Variants in RPS6KA1 observed in about 807,000 individuals in gnomAD.
The protein encoded by RPS6KA1 is ribosomal protein S6 kinase A1, also known as ribosomal protein S6 kinase alpha-1.
RPS6KA1 carries 48 observed loss-of-function variants against 91.3 expected under a neutral mutation model. That is an observed-to-expected ratio of 0.53 (90% CI 0.42 to 0.67). The LOEUF (loss-of-function observed/expected upper bound fraction) is 0.67, where lower values mean the gene tolerates loss of function less well. RPS6KA1 is among the 30% of genes least tolerant of loss of function. The probability of loss-of-function intolerance (pLI) is 0.00; values close to 1 mark genes in which losing one functional copy is unlikely to be tolerated. For synonymous variants in RPS6KA1, 359 were observed against 384.7 expected, an observed-to-expected ratio of 0.93 and a Z score of 0.78; for missense variants, 719 against 960.5, an observed-to-expected ratio of 0.75 and a Z score of 3.32.
In RPS6KA1 at chr1:26,547,201, C is replaced by T. The variant is rs1436266133; in HGVS notation, c.238C>T (p.Arg80Trp). 7 of 1,614,038 alleles carry T rather than the reference C, an allele frequency of 4.3e-6. No homozygotes were observed. Among genetic ancestry groups the T allele is most frequent in the East Asian group, 2.2e-5 (1 of 44,876 alleles). Reference protein sequence around the residue: ...QGSFGKVFLVRKVTRPDSGHL... With the variant: ...QGSFGKVFLVWKVTRPDSGHL... ...TCTGCCTTCTCAGGTCTTCCTGGTG[C>T]GGAAAGTCACCCGGCCTGACAGTGG... The change falls in exon 4 of 22, where the codon CGG becomes TGG. Residue 80 changes from arginine to tryptophan, a missense_variant. Physicochemically the swap from Arg to Trp is moderately radical, Grantham distance 101. This residue lies in a region of RPS6KA1 where 159 missense variants were observed against 264.5 expected (regional missense o/e 0.60). Transcript: ENST00000374168. The surrounding 1 kb of genome is among the most constrained non-coding windows in gnomAD (Gnocchi z 4.1).
At chr1:26,550,238 A>G (rs548668827) in intron 4 of RPS6KA1, among the ~76,000 whole-genome samples, 25 of 136,616 alleles carry the variant, frequency 1.8e-4, no homozygotes, top group African/African-American at 5.0e-4. Context: ...GCTGGAGTGC[A>G]GTGGCGTGAT....
At chr1:26,535,230 C>G (rs970609586) in intron 1 of RPS6KA1, among the ~76,000 whole-genome samples, 5 of 152,052 alleles carry the variant, frequency 3.3e-5, no homozygotes, top group African/African-American at 7.2e-5. Context: ...GCCTGTAGAA[C>G]ATTTGGCCCC....
intron 1 of RPS6KA1, among the ~76,000 whole-genome samples, chr1:26,532,832 C>T (rs982826128): frequency 1.1e-4 from 17 of 152,186 alleles, no homozygotes; most frequent in Non-Finnish European, 2.2e-4. Flanking sequence ...TGGTCTGGGG[C>T]CCTGGGCATC....
Position 26,561,138 on chromosome 1 carries a change from A to C in RPS6KA1, c.1431+4A>C. The stretch of plus-strand genomic sequence containing the variant: ...CAACATCATCACTCTGAAAGATGTG[A>C]GTGGGGGTCCTTAAGACTGGGGTGG... On this transcript the variant is annotated splice_donor_region_variant and intron_variant, in intron 16 of 21. Transcript: ENST00000374168. The surrounding 1 kb of genome is among the most constrained non-coding windows in gnomAD (Gnocchi z 5.7). 2.5e-6 allele frequency: 4 copies of C among 1,611,312 alleles called. No individual in the cohort carries two copies. Among genetic ancestry groups the C allele is most frequent in the Non-Finnish European group, 3.4e-6 (4 of 1,177,608 alleles).
chr1:26,547,946 G>A lies in RPS6KA1; in HGVS notation c.307+676G>A, dbSNP rs1406563471. Among the ~76,000 whole-genome samples, 1 of 152,096 alleles carries A rather than the reference G, an allele frequency of 6.6e-6. No homozygotes were observed. The highest frequency in any genetic ancestry group is 1.5e-5 in the Non-Finnish European group (1 of 68,016). On this transcript the variant is annotated intron_variant, in intron 4 of 21. Coordinates refer to ENST00000374168, the MANE Select transcript of RPS6KA1 (RefSeq NM_002953.4). This position sits in a 1 kb window ranked among gnomAD's most constrained non-coding sequence, Gnocchi z 4.1. ...GCACTTTGGGAGGCTGAGGTGGGCGGGTCATTTGAGGTCAGGAGTTCAAGA... is the reference window on the plus strand; with the variant it reads ...GCACTTTGGGAGGCTGAGGTGGGCGAGTCATTTGAGGTCAGGAGTTCAAGA...
chr1:26,546,638 C>T (rs1312092791), intron 2 of RPS6KA1, among the ~76,000 whole-genome samples: 1 of 152,246 alleles, frequency 6.6e-6, no homozygotes, highest in Non-Finnish European at 1.5e-5. Flanking sequence ...TGGGCCTAAC[C>T]AGGCCAGAGC....
chr1:26,555,771 C>A lies in RPS6KA1; in HGVS notation c.916+146C>A. 1.3e-6 allele frequency: 1 copy of A among 788,784 alleles called. No homozygotes were observed. Among genetic ancestry groups the A allele is most frequent in the South Asian group, 1.6e-5 (1 of 61,940 alleles). The allele number at this position is 788,784 out of a possible 1,614,324, so 48.9% of individuals were successfully genotyped here. A position where few individuals can be genotyped will look rare whatever the true frequency, so the allele number is the denominator to read the frequency against. On this transcript the variant is annotated intron_variant, in intron 11 of 21. Coordinates refer to ENST00000374168, the MANE Select transcript of RPS6KA1 (RefSeq NM_002953.4). This position sits in a 1 kb window ranked among gnomAD's most constrained non-coding sequence, Gnocchi z 4.3. ...TGCCGCGGGCCACCCTGCTTTCTGG[C>A]TCCATGTGTGGTGTTGTGGAGGGGG...
chr1:26,544,760 C>T (rs2075977688), intron 2 of RPS6KA1, among the ~76,000 whole-genome samples: 1 of 150,672 alleles, frequency 6.6e-6, no homozygotes, highest in Non-Finnish European at 1.5e-5. Flanking sequence ...AGGCGTGAGC[C>T]ACCACGCCCA....
Position 26,554,479 on chromosome 1 carries a change from C to G in RPS6KA1, c.614-117C>G. On this transcript the variant is annotated intron_variant, in intron 8 of 21. Coordinates refer to ENST00000374168, the MANE Select transcript of RPS6KA1 (RefSeq NM_002953.4). This position sits in a 1 kb window ranked among gnomAD's most constrained non-coding sequence, Gnocchi z 4.6. ...GACCTCTCTGGGCCTTAGCTTCCTC[C>G]TGAGTGTCATGGGGGTGATGCCTTC... 1 of 1,376,412 alleles carries G rather than the reference C, an allele frequency of 7.3e-7. No individual in the cohort carries two copies. The allele number at this position is 1,376,412 out of a possible 1,614,324, so 85.3% of individuals were successfully genotyped here. A position where few individuals can be genotyped will look rare whatever the true frequency, so the allele number is the denominator to read the frequency against.
chr1:26,535,377 G>T (rs2075898697), intron 1 of RPS6KA1, among the ~76,000 whole-genome samples: 1 of 151,916 alleles, frequency 6.6e-6, no homozygotes, highest in African/African-American at 2.4e-5. Flanking sequence ...AGCCAAGCAG[G>T]GCTACAGCTG....
chr1:26,573,659 G>C (rs2076269986), intron 21 of RPS6KA1, among the ~76,000 whole-genome samples: 1 of 152,180 alleles, frequency 6.6e-6, no homozygotes, highest in Non-Finnish European at 1.5e-5. Flanking sequence ...AGTGGGCTAG[G>C]CTGGGCGCGG....
At chr1:26,567,179 A>G (rs1031328138) in intron 17 of RPS6KA1, among the ~76,000 whole-genome samples, 11 of 151,446 alleles carry the variant, frequency 7.3e-5, no homozygotes, top group Non-Finnish European at 1.6e-4. Flanking sequence ...GTGCCACCAC[A>G]CCTGGCTAAT....
rs2124641409 is a variant in RPS6KA1 at position 26,554,631 on chromosome 1, A to G, written c.649A>G (p.Lys217Glu). 1 of 1,613,708 alleles carries G rather than the reference A, an allele frequency of 6.2e-7. No homozygotes were observed. Among genetic ancestry groups the G allele is most frequent in the East Asian group, 2.2e-5 (1 of 44,868 alleles). ...GLSKEAIDHE[K>E]KAYSFCGTVE... ...GAGCAAAGAGGCCATTGACCACGAG[A>G]AGAAGGCCTATTCTTTCTGCGGGAC... The change falls in exon 9 of 22, where the codon AAG (lysine) becomes GAG (glutamate). Residue 217 changes from lysine (K) to glutamate (E), a missense_variant. Physicochemically the swap from Lys to Glu is moderately conservative, Grantham distance 56 (BLOSUM62 1). This residue lies in a region of RPS6KA1 where 159 missense variants were observed against 264.5 expected (regional missense o/e 0.60). Coordinates refer to ENST00000374168, the MANE Select transcript of RPS6KA1 (RefSeq NM_002953.4). This position sits in a 1 kb window ranked among gnomAD's most constrained non-coding sequence, Gnocchi z 4.6.
chr1:26,564,343 C>T (rs1198604182), intron 17 of RPS6KA1, among the ~76,000 whole-genome samples: 1 of 152,140 alleles, frequency 6.6e-6, no homozygotes, highest in Non-Finnish European at 1.5e-5. Flanking sequence ...ACTGCAAGCT[C>T]CGCCTCCCAG....
At chr1:26,550,163 G>A (rs1489725229) in intron 4 of RPS6KA1, among the ~76,000 whole-genome samples, 1 of 148,550 alleles carries the variant, frequency 6.7e-6, no homozygotes, top group African/African-American at 2.5e-5. Context: ...ACAGGCATGA[G>A]CCACCACGCC....
chr1:26,568,065 G>T (rs1419401404), intron 17 of RPS6KA1, among the ~76,000 whole-genome samples: 2 of 152,186 alleles, frequency 1.3e-5, no homozygotes, highest in Non-Finnish European at 2.9e-5. Flanking sequence ...AAGATAAGGG[G>T]TGTTTTTTGA....
At chr1:26,530,714 T>G in intron 1 of RPS6KA1, 8 of 1,268,032 alleles carry the variant, frequency 6.3e-6, no homozygotes, top group Non-Finnish European at 8.2e-6. Context: ...CAGCCCAGAC[T>G]CCCCAGACAA....
Position 26,573,216 on chromosome 1 carries a change from G to T in RPS6KA1, c.1948-8G>T. 1 of 1,613,626 alleles carries T rather than the reference G, an allele frequency of 6.2e-7. No individual in the cohort carries two copies. Among genetic ancestry groups the T allele is most frequent in the Non-Finnish European group, 8.5e-7 (1 of 1,179,830 alleles). ...CTCCCCCAACCCCCTTGCCCACTGT[G>T]TCCCCAGGACCTGGTGTCCAAGATG... On this transcript the variant is annotated splice_region_variant and splice_polypyrimidine_tract_variant and intron_variant, in intron 20 of 21. Coordinates refer to ENST00000374168, the MANE Select transcript of RPS6KA1 (RefSeq NM_002953.4).
chr1:26,556,273 T>C (rs1033312461), intron 11 of RPS6KA1: 3 of 278,230 alleles, frequency 1.1e-5, no homozygotes, highest in Non-Finnish European at 2.1e-5. Context: ...TAACAGCCTG[T>C]CCTATGGTTG....
Sources: allele counts gnomAD v4.1 joint callset (sites outside exome capture counted in the v4.1 genomes callset), GRCh38; gene constraint gnomAD v4.1.1; regional missense constraint gnomAD v4.1.1; non-coding constraint Gnocchi (gnomAD v3.1); transcripts MANE v1.5; gene names NCBI Gene and HGNC (gene_info 2026-07-23, HGNC 2026-07-21).